The following GPRC5A variants were observed in gnomAD, a reference collection of about 807,000 sequenced individuals.
The protein encoded by GPRC5A is retinoic acid-induced protein 3.
A neutral mutation model predicts 22.5 loss-of-function variants in GPRC5A; 19 were observed. That is an observed-to-expected ratio of 0.85 (90% CI 0.59 to 1.24). The LOEUF is 1.24. Among genes scored for constraint, GPRC5A ranks in the 50% most tolerant of loss-of-function variants. The probability of loss-of-function intolerance (pLI) is 0.00; values close to 1 mark genes in which losing one functional copy is unlikely to be tolerated. For missense variants in GPRC5A, 471 were observed against 451.1 expected (o/e 1.04, Z -0.40); for synonymous variants, 192 against 184.5 (o/e 1.04, Z -0.33).
intron 1 of GPRC5A, among the ~76,000 whole-genome samples, chr12:12,897,115 T>C (rs930293113): frequency 1.9e-4 from 28 of 150,428 alleles, no homozygotes; most frequent in African/African-American, 6.6e-4. Context: ...TAATCCAAGC[T>C]ACTTAGGAGG....
chr12:12,914,576 C>CTTTCTTTCTTTCTT lies in GPRC5A; in HGVS notation c.*2039_*2052dup, dbSNP rs1565466552. On this transcript the variant is annotated 3_prime_UTR_variant, in exon 4 of 4. Transcript: ENST00000014914. ...TCTTTCTTTCTTTCTTTCTTTCTTT[C>CTTTCTTTCTTTCTT]TTTCTTTCTTTCTTTCTTTCTCTCT... The CTTTCTTTCTTTCTT allele has an allele frequency of 2.4e-5, 2 of 82,788 alleles. No individual in the cohort carries two copies. The highest frequency in any genetic ancestry group is 2.5e-4 in the East Asian group (1 of 4,020). The allele number at this position is 82,788 out of a possible 1,614,324, so 5.1% of individuals were successfully genotyped here.
chr12:12,906,442 C>T (rs850935), intron 1 of GPRC5A, among the ~76,000 whole-genome samples: 75,383 of 151,864 alleles, frequency 0.5, 19,641 homozygotes, highest in East Asian at 0.88. Context: ...TGGTGGCACA[C>T]GCCTGTAATC....
chr12:12,898,317 G>A (rs1406972112), intron 1 of GPRC5A, among the ~76,000 whole-genome samples: 1 of 152,158 alleles, frequency 6.6e-6, no homozygotes, highest in Non-Finnish European at 1.5e-5. Context: ...CAGATCACCT[G>A]AGCCTCAGGA....
chr12:12,900,481 A>G (rs1048115020), intron 1 of GPRC5A, among the ~76,000 whole-genome samples: 2 of 152,158 alleles, frequency 1.3e-5, no homozygotes, highest in African/African-American at 4.8e-5. Flanking sequence ...CCTAAAGGGG[A>G]GGAGGAACAG....
intron 1 of GPRC5A, chr12:12,891,884 T>C (rs920427358): frequency 8.7e-5 from 13 of 150,078 alleles, no homozygotes; most frequent in Non-Finnish European, 1.8e-4. Flanking sequence ...TAGGCTAAGA[T>C]AGAGGCAGAG....
rs113412006 is a variant in GPRC5A, at chr12:12,900,063, G to A, written c.-7-8180G>A. On this transcript the variant is annotated intron_variant, in intron 1 of 3. Transcript: ENST00000014914. Reference sequence around the variant, plus strand: ...AGCGGGAGACTCATCACATGTTCACGTTTTTCCCTGCACAGTGGTCAGTGC... The same window carrying A: ...AGCGGGAGACTCATCACATGTTCACATTTTTCCCTGCACAGTGGTCAGTGC... Among the ~76,000 whole-genome samples the A allele has an allele frequency of 2.4e-3, 362 of 152,304 alleles. 3 individuals carry two copies. The highest frequency in any genetic ancestry group is 8.3e-3 in the African/African-American group (343 of 41,564).
rs1864041009 is a variant in GPRC5A at position 12,914,580 on chromosome 12, CTTTCTT to C, written c.*2043_*2048del. 3 of 87,888 alleles carry C rather than the reference CTTTCTT, an allele frequency of 3.4e-5. No individual in the cohort carries two copies. The highest frequency in any genetic ancestry group is 2.0e-4 in the African/African-American group (3 of 14,826). 5.4% of individuals were successfully genotyped at this position (87,888 alleles called of 1,614,324 possible). A position where few individuals can be genotyped will look rare whatever the true frequency, so the allele number is the denominator to read the frequency against. The stretch of plus-strand genomic sequence containing the variant: ...TCTTTCTTTCTTTCTTTCTTTCTTT[CTTTCTT>C]TCTTTCTTTCTCTCTCTCTCTCTCT... On this transcript the variant is annotated 3_prime_UTR_variant, in exon 4 of 4. Transcript: ENST00000014914.
chr12:12,914,611 TC>T lies in GPRC5A; in HGVS notation c.*2073del, dbSNP rs1864043444. ...TTCTTTCTTTCTCTCTCTCTCTCTC[TC>T]TCTCTTTCTTTCTTTCTTTTTGAGA... On this transcript the variant is annotated 3_prime_UTR_variant, in exon 4 of 4. Coordinates refer to ENST00000014914, the MANE Select transcript of GPRC5A (RefSeq NM_003979.4). 6.7e-6 allele frequency: 1 copy of T among 148,238 alleles called. No individual in the cohort carries two copies. 9.2% of individuals were successfully genotyped at this position (148,238 alleles called of 1,614,324 possible).
chr12:12,905,687 A>G (rs976930126), intron 1 of GPRC5A, among the ~76,000 whole-genome samples: 7 of 152,070 alleles, frequency 4.6e-5, no homozygotes, highest in Non-Finnish European at 1.0e-4. Flanking sequence ...CGATTTCCCA[A>G]TTTATCTTCC....
At chr12:12,898,394 TGTG>T (rs1863845578) in intron 1 of GPRC5A, among the ~76,000 whole-genome samples, 1 of 151,904 alleles carries the variant, frequency 6.6e-6, no homozygotes, top group African/African-American at 2.4e-5. Context: ...AGTAGCTAGA[TGTG>T]GTGGTGCGCA....
rs1592354107 is a variant in GPRC5A, at chr12:12,915,044, A to G, written c.*2505A>G. 8.0e-6 allele frequency: 1 copy of G among 125,562 alleles called. No individual in the cohort carries two copies. The highest frequency in any genetic ancestry group is 3.0e-5 in the African/African-American group (1 of 33,518). 7.8% of individuals were successfully genotyped at this position (125,562 alleles called of 1,614,324 possible). A position where few individuals can be genotyped will look rare whatever the true frequency, so the allele number is the denominator to read the frequency against. ...TTTTTTTTTTTTTTTTTTTTGAGAC[A>G]GGGTCTAGCTCTATGGCCCAGGCTG... On this transcript the variant is annotated 3_prime_UTR_variant, in exon 4 of 4. Transcript: ENST00000014914.
intron 3 of GPRC5A, 100 bp downstream of exon 3, chr12:12,912,242 T>C: frequency 1.0e-6 from 1 of 972,730 alleles, no homozygotes; most frequent in Non-Finnish European, 1.7e-6. Flanking sequence ...GGCCCCTAGA[T>C]GGCCACTTGA....
At chr12:12,898,951 T>C (rs1863852206) in intron 1 of GPRC5A, among the ~76,000 whole-genome samples, 1 of 152,234 alleles carries the variant, frequency 6.6e-6, no homozygotes, top group Non-Finnish European at 1.5e-5. Flanking sequence ...ATTCCTAATG[T>C]ATTCCATAAC....
At position 12,912,100 on chromosome 12, in the gene GPRC5A, G is replaced by A; in HGVS notation, c.939G>A (p.Gly313=). 6.2e-7 allele frequency: 1 copy of A among 1,613,320 alleles called. No homozygotes were observed. Among genetic ancestry groups the A allele is most frequent in the Non-Finnish European group, 8.5e-7 (1 of 1,179,284 alleles). The change falls in exon 3 of 4, where the codon GGG becomes GGA. Residue 313 remains glycine, a synonymous_variant. Coordinates refer to ENST00000014914, the MANE Select transcript of GPRC5A (RefSeq NM_003979.4). Reference sequence around the variant, plus strand: ...CCATTTCAGGTTTTGAAGAGACAGGGGACACGCTCTATGCCCCCTATTCCA... The same window carrying A: ...CCATTTCAGGTTTTGAAGAGACAGGAGACACGCTCTATGCCCCCTATTCCA... ...EEITQGFEET[G]DTLYAPYSTH...
At chr12:12,911,963 A>C (rs1864009761) in intron 2 of GPRC5A, 121 bp from the exon 3 acceptor site, 1 of 666,806 alleles carries the variant, frequency 1.5e-6, no homozygotes, top group African/African-American at 1.8e-5. Context: ...CAAGAAACTT[A>C]AGGTCTGCTG....
At chr12:12,894,095 G>A (rs1183634769) in intron 1 of GPRC5A, among the ~76,000 whole-genome samples, 1 of 152,164 alleles carries the variant, frequency 6.6e-6, no homozygotes, top group East Asian at 1.9e-4. Context: ...ATGCTCATAT[G>A]TTTATGTATC....
At chr12:12,911,848 T>A (rs183137180) in intron 2 of GPRC5A, among the ~76,000 whole-genome samples, 53 of 152,298 alleles carry the variant, frequency 3.5e-4, no homozygotes, top group Non-Finnish European at 2.2e-4. Flanking sequence ...CTGGTGAAGT[T>A]CTGAAAAGGG....
At chr12:12,906,468 G>A (rs1863941735) in intron 1 of GPRC5A, among the ~76,000 whole-genome samples, 1 of 152,186 alleles carries the variant, frequency 6.6e-6, no homozygotes, top group Non-Finnish European at 1.5e-5. Flanking sequence ...TACTCAGGAG[G>A]CTGAGGTCGG....
intron 3 of GPRC5A, 148 bp downstream of exon 3, chr12:12,912,290 G>A (rs898206059): frequency 5.9e-5 from 50 of 844,078 alleles, no homozygotes; most frequent in South Asian, 2.2e-4. Context: ...GCGGCCTCAC[G>A]GGGTTAGTGG....
Sources: gnomAD v4.1 joint callset for allele counts (sites outside exome capture counted in the v4.1 genomes callset) on GRCh38, gnomAD v4.1.1 for gene constraint, MANE v1.5 for transcripts, NCBI Gene and HGNC (gene_info 2026-07-23, HGNC 2026-07-21) for gene names.